Variants in LTBP1 observed in about 807,000 individuals in gnomAD.
The protein encoded by LTBP1 is latent transforming growth factor beta binding protein 1.
In LTBP1, 129 loss-of-function variants were observed where a neutral mutation model predicts 207.6. The observed-to-expected ratio is 0.62, with a 90% CI of 0.54 to 0.72. The LOEUF (loss-of-function observed/expected upper bound fraction) is 0.72, where lower values mean the gene tolerates loss of function less well. LTBP1 is among the 30% of genes least tolerant of loss of function. The pLI, the probability that LTBP1 is intolerant of heterozygous loss-of-function variation, is 0.00. For synonymous variants in LTBP1, 963 were observed against 833.7 expected (o/e 1.16, Z -2.67); for missense variants, 2,281 against 2,217.2 (o/e 1.03, Z -0.58).
intron 33 of LTBP1, among the ~76,000 whole-genome samples, chr2:33,398,079 A>C (rs569002947): frequency 6.6e-6 from 1 of 152,246 alleles, no homozygotes; most frequent in East Asian, 1.9e-4. Flanking sequence ...AGGAATTTGG[A>C]AGTAATATAG....
intron 2 of LTBP1, among the ~76,000 whole-genome samples, chr2:32,967,215 A>T (rs150694): frequency 6.6e-6 from 1 of 151,696 alleles, no homozygotes; most frequent in Non-Finnish European, 1.5e-5. Context: ...TTTTTTTCTT[A>T]GTTAGCCTGG....
intron 3 of LTBP1, among the ~76,000 whole-genome samples, chr2:33,044,874 C>CT (rs2076370647): frequency 6.6e-6 from 1 of 152,056 alleles, no homozygotes. Context: ...TGACGATGAG[C>CT]TTTTTTTCAT....
At chr2:33,349,188 C>A (rs1209602643) in intron 26 of LTBP1, among the ~76,000 whole-genome samples, 1 of 152,160 alleles carries the variant, frequency 6.6e-6, no homozygotes, top group Non-Finnish European at 1.5e-5. Flanking sequence ...CAGTGGCTCA[C>A]GCCTGTAATC....
At chr2:33,207,019 C>A (rs2089936481) in intron 7 of LTBP1, among the ~76,000 whole-genome samples, 1 of 152,128 alleles carries the variant, frequency 6.6e-6, no homozygotes, top group Non-Finnish European at 1.5e-5. Flanking sequence ...CATGATAATA[C>A]TGTACTTAAA....
intron 2 of LTBP1, among the ~76,000 whole-genome samples, chr2:32,995,555 G>A (rs562526072): frequency 3.9e-5 from 6 of 152,288 alleles, no homozygotes; most frequent in East Asian, 3.9e-4. Flanking sequence ...GCCGAGGCAG[G>A]CGGATCACGA....
chr2:33,171,013 A>G (rs2085388472), intron 5 of LTBP1, among the ~76,000 whole-genome samples: 1 of 150,828 alleles, frequency 6.6e-6, no homozygotes, highest in South Asian at 2.1e-4. Context: ...CCATCTGTAC[A>G]TCACCATCAT....
At chr2:33,363,964 G>C (rs1312875941) in intron 29 of LTBP1, among the ~76,000 whole-genome samples, 2 of 152,144 alleles carry the variant, frequency 1.3e-5, no homozygotes, top group African/African-American at 4.8e-5. Context: ...AAATTTCTAA[G>C]CATATCCTGT....
chr2:33,231,048 G>A (rs917295103), intron 9 of LTBP1, among the ~76,000 whole-genome samples: 4 of 152,148 alleles, frequency 2.6e-5, no homozygotes, highest in Non-Finnish European at 5.9e-5. Flanking sequence ...AATCGCTGGG[G>A]CACTCCTAGC....
rs11888332 is a variant in LTBP1, at chr2:33,086,657, C to A, written c.864-23925C>A. ...CTTCTGGGCAGCACCGCACGGTAGG[C>A]TTTCTATAAGCTTAGTGATGTAATC... On this transcript the variant is annotated intron_variant, in intron 3 of 33. Coordinates refer to ENST00000404816, the MANE Select transcript of LTBP1 (RefSeq NM_206943.4). Among the ~76,000 whole-genome samples, 1,402 of 152,314 alleles carry A rather than the reference C, an allele frequency of 9.2e-3. 9 individuals carry two copies. Among genetic ancestry groups the A allele is most frequent in the Non-Finnish European group, 0.015 (997 of 68,022 alleles).
At chr2:33,386,875 G>GGCT (rs1457178155) in intron 31 of LTBP1, among the ~76,000 whole-genome samples, 1 of 139,262 alleles carries the variant, frequency 7.2e-6, no homozygotes, top group East Asian at 2.2e-4. Flanking sequence ...CTATCACCCA[G>GGCT]GCTGGAGTGC....
rs1436999011 is a variant in LTBP1 at position 32,947,732 on chromosome 2, G to C, written c.408G>C (p.Arg136Ser). The change falls in exon 1 of 34, where the codon AGG becomes AGC. Residue 136 changes from arginine (R) to serine (S), a missense_variant. By Grantham distance (110) the Arg-to-Ser change is moderately radical (BLOSUM62 -1). This residue lies in a region of LTBP1 where 555 missense variants were observed against 491.0 expected (regional missense o/e 1.13). Coordinates refer to ENST00000404816, the MANE Select transcript of LTBP1 (RefSeq NM_206943.4). ...CCGCCCCGTTCACCAAACAAGGCAGGCAAGTTGTGCGCTCCAAGGTGCCGC... is the reference window on the plus strand; with the variant it reads ...CCGCCCCGTTCACCAAACAAGGCAGCCAAGTTGTGCGCTCCAAGGTGCCGC... ...PAAAPFTKQGRQVVRSKVPQE... is the reference protein window; with the variant it reads ...PAAAPFTKQGSQVVRSKVPQE... 21 of 1,537,346 alleles carry C rather than the reference G, an allele frequency of 1.4e-5. No homozygotes were observed. The highest frequency in any genetic ancestry group is 1.8e-5 in the Non-Finnish European group (21 of 1,143,598).
At chr2:33,092,519 G>C (rs758346458) in intron 3 of LTBP1, among the ~76,000 whole-genome samples, 1 of 152,154 alleles carries the variant, frequency 6.6e-6, no homozygotes, top group Non-Finnish European at 1.5e-5. Flanking sequence ...AGCCTTCTGG[G>C]TTATTCCTCA....
At chr2:33,274,677 C>T (rs1204143784) in intron 16 of LTBP1, among the ~76,000 whole-genome samples, 8 of 152,168 alleles carry the variant, frequency 5.3e-5, no homozygotes, top group Admixed American at 1.3e-4. Flanking sequence ...GGATGTCTCT[C>T]GTTATCAGGA....
At chr2:33,207,162 T>C (rs549681865) in intron 7 of LTBP1, among the ~76,000 whole-genome samples, 1 of 152,340 alleles carries the variant, frequency 6.6e-6, no homozygotes, top group African/African-American at 2.4e-5. Context: ...TTAGAAAAGA[T>C]GTCAAGTAGA....
chr2:33,189,190 T>TATTG (rs77025991), intron 7 of LTBP1, among the ~76,000 whole-genome samples: 66,011 of 150,956 alleles, frequency 0.44, 15,038 homozygotes, highest in Non-Finnish European at 0.5. Context: ...TTTATTTGTT[T>TATTG]ATTGATTGAT....
chr2:33,233,101 A>G (rs1238973816), intron 9 of LTBP1, among the ~76,000 whole-genome samples: 1 of 152,138 alleles, frequency 6.6e-6, no homozygotes, highest in Non-Finnish European at 1.5e-5. Context: ...CTCAAATTTG[A>G]AAAGTGTTCA....
intron 8 of LTBP1, 68 bp from the exon 9 acceptor site, chr2:33,222,012 G>C (rs1365079278): frequency 8.9e-7 from 1 of 1,127,666 alleles, no homozygotes. Context: ...AATGGCTTCA[G>C]ATATCACTTA....
intron 5 of LTBP1, among the ~76,000 whole-genome samples, chr2:33,182,058 G>T (rs1473465513): frequency 6.6e-6 from 1 of 152,154 alleles, no homozygotes; most frequent in Non-Finnish European, 1.5e-5. Context: ...TTTTAGAAAT[G>T]CTAGAACTGG....
At chr2:33,138,899 C>A (rs1395528989) in intron 5 of LTBP1, among the ~76,000 whole-genome samples, 1 of 128,580 alleles carries the variant, frequency 7.8e-6, no homozygotes, top group Non-Finnish European at 1.6e-5. Context: ...CGCTCTGTCG[C>A]CCAGGCTGGA....
Sources: allele counts gnomAD v4.1 joint callset (sites outside exome capture counted in the v4.1 genomes callset), GRCh38; gene constraint gnomAD v4.1.1; regional missense constraint gnomAD v4.1.1; transcripts MANE v1.5; gene names NCBI Gene and HGNC (gene_info 2026-07-23, HGNC 2026-07-21).